Variants in FLRT1 observed in about 807,000 individuals in gnomAD.
FLRT1 encodes fibronectin leucine rich transmembrane protein 1.
Under a neutral mutation model 30.9 loss-of-function variants are expected in FLRT1, and 14 were observed. The ratio of observed to expected loss-of-function variants is 0.45; its 90% CI spans 0.30 to 0.71. The LOEUF is 0.71. Ranked by LOEUF, FLRT1 falls within the 30% of genes least tolerant of loss-of-function variation. FLRT1 has a pLI of 0.08. For synonymous variants in FLRT1, 368 were observed against 430.4 expected (o/e 0.85, Z 1.80); for missense variants, 737 against 949.2 (o/e 0.78, Z 2.94).
chr11:64,106,228 T>C (rs1944761394), intron 2 of FLRT1, among the ~76,000 whole-genome samples: 1 of 152,188 alleles, frequency 6.6e-6, no homozygotes, highest in African/African-American at 2.4e-5. Context: ...TGCCATCTGC[T>C]GCACAATCCA....
In FLRT1 at chr11:64,118,064, C is replaced by T. The variant is rs772494985; in HGVS notation, c.1797C>T (p.Asp599=). The T allele has an allele frequency of 6.2e-7, 1 of 1,612,974 alleles. No homozygotes were observed. Among genetic ancestry groups the T allele is most frequent in the Admixed American group, 1.7e-5 (1 of 59,970 alleles). The change falls in exon 3 of 3, where the codon GAC becomes GAT. Residue 599 remains aspartate (D), a synonymous_variant. Transcript: ENST00000682287. The part of the protein sequence containing the change: ...AYNRGSRKKD[D]YMESGTKKDN... ...ACCGGGGCAGCAGGAAAAAGGATGA[C>T]TATATGGAGTCAGGGACCAAGAAGG...
At chr11:64,115,029 G>A (rs1034856704) in intron 2 of FLRT1, among the ~76,000 whole-genome samples, 3 of 152,164 alleles carry the variant, frequency 2.0e-5, no homozygotes, top group African/African-American at 4.8e-5. Flanking sequence ...CTGGCTCAGT[G>A]AGCAGGTGCC....
chr11:64,114,680 T>C (rs557925702), intron 2 of FLRT1, among the ~76,000 whole-genome samples: 1 of 151,226 alleles, frequency 6.6e-6, no homozygotes, highest in East Asian at 1.9e-4. Flanking sequence ...GATGGATGGA[T>C]GGACAGGTAG....
At position 64,064,696 on chromosome 11, in the gene FLRT1, C is replaced by G. The variant is rs1223347399; in HGVS notation, c.-1038+28537C>G. 6.7e-6 allele frequency among the ~76,000 whole-genome samples: 1 copy of G among 149,212 alleles called. No individual in the cohort carries two copies. Among genetic ancestry groups the G allele is most frequent in the Non-Finnish European group, 1.5e-5 (1 of 66,878 alleles). On this transcript the variant is annotated intron_variant, in intron 1 of 2. Transcript: ENST00000682287. This position sits in a 1 kb window ranked among gnomAD's most constrained non-coding sequence, Gnocchi z 4.5. ...GGCACCGAGATAGAAGGAGGGGGGCCCTCCCTGAGTTCTCCTCTCCCCTCC... is the reference window on the plus strand; with the variant it reads ...GGCACCGAGATAGAAGGAGGGGGGCGCTCCCTGAGTTCTCCTCTCCCCTCC...
intron 1 of FLRT1, among the ~76,000 whole-genome samples, chr11:64,089,818 C>A (rs911260708): frequency 1.3e-5 from 2 of 152,166 alleles, no homozygotes; most frequent in Non-Finnish European, 2.9e-5. Context: ...TCTGTGCCCA[C>A]TCATAGGTGT....
chr11:64,049,379 T>A (rs2134407924), intron 1 of FLRT1, among the ~76,000 whole-genome samples: 1 of 152,330 alleles, frequency 6.6e-6, no homozygotes, highest in East Asian at 1.9e-4. Flanking sequence ...CGGCCAGTCC[T>A]GGGCAGGGAG....
At position 64,096,489 on chromosome 11, in the gene FLRT1, C is replaced by G. The variant is rs141967392; in HGVS notation, c.-1037-6705C>G. Among the ~76,000 whole-genome samples, 796 of 152,042 alleles carry G rather than the reference C, an allele frequency of 5.2e-3. 9 individuals carry two copies. Among genetic ancestry groups the G allele is most frequent in the African/African-American group, 0.018 (764 of 41,480 alleles). On this transcript the variant is annotated intron_variant, in intron 1 of 2. Coordinates refer to ENST00000682287, the MANE Select transcript of FLRT1 (RefSeq NM_013280.5). This position sits in a 1 kb window ranked among gnomAD's most constrained non-coding sequence, Gnocchi z 4.6. Reference sequence around the variant, plus strand: ...GAAGTGCAGTGGTATGATCTCGGCTCACTGCAACCTCCGCCTTCCGGGTTC... The same window carrying G: ...GAAGTGCAGTGGTATGATCTCGGCTGACTGCAACCTCCGCCTTCCGGGTTC...
chr11:64,066,887 G>C (rs905006518), intron 1 of FLRT1, among the ~76,000 whole-genome samples: 1 of 152,242 alleles, frequency 6.6e-6, no homozygotes, highest in African/African-American at 2.4e-5. Flanking sequence ...TGAAGAGCCA[G>C]GATTCAGGCT....
At position 64,057,395 on chromosome 11, in the gene FLRT1, T is replaced by C. The variant is rs138981447; in HGVS notation, c.-1038+21236T>C. On this transcript the variant is annotated intron_variant, in intron 1 of 2. Coordinates refer to ENST00000682287, the MANE Select transcript of FLRT1 (RefSeq NM_013280.5). Reference sequence around the variant, plus strand: ...CTACCAAGGCAGATTTAAAACCTCATGGGGAGTGACCCACATGGTGCCAGC... The same window carrying C: ...CTACCAAGGCAGATTTAAAACCTCACGGGGAGTGACCCACATGGTGCCAGC... Among the ~76,000 whole-genome samples the C allele has an allele frequency of 3.0e-4, 46 of 152,268 alleles. No homozygotes were observed. In the East Asian group the frequency reaches 8.7e-3, roughly 29 times the overall value.
In FLRT1 at chr11:64,117,704, C is replaced by T; in HGVS notation, c.1437C>T (p.Ser479=). The change falls in exon 3 of 3, where the codon TCC becomes TCT. Residue 479 remains serine (S), a synonymous_variant. Transcript: ENST00000682287. Reference sequence around the variant, plus strand: ...TGGGCCACAGCCCAGCCGTGGGCTCCATCACGGAGACCTTGGTGCAGGGGG... The same window carrying T: ...TGGGCCACAGCCCAGCCGTGGGCTCTATCACGGAGACCTTGGTGCAGGGGG... ...LRLGHSPAVG[S]ITETLVQGDK... 6.2e-7 allele frequency: 1 copy of T among 1,613,628 alleles called. No individual in the cohort carries two copies. Among genetic ancestry groups the T allele is most frequent in the Non-Finnish European group, 8.5e-7 (1 of 1,179,924 alleles).
chr11:64,102,203 C>A (rs1944682335), intron 1 of FLRT1, among the ~76,000 whole-genome samples: 1 of 152,180 alleles, frequency 6.6e-6, no homozygotes, highest in African/African-American at 2.4e-5. Flanking sequence ...AGAGGGGTTC[C>A]TGCAGGGGGA....
chr11:64,069,388 G>A (rs541419910), intron 1 of FLRT1, among the ~76,000 whole-genome samples: 2 of 152,324 alleles, frequency 1.3e-5, no homozygotes, highest in Non-Finnish European at 2.9e-5. Flanking sequence ...AAAGCCCCAG[G>A]AGCCAGACCT....
At chr11:64,085,511 C>A (rs1944378322) in intron 1 of FLRT1, among the ~76,000 whole-genome samples, 1 of 152,190 alleles carries the variant, frequency 6.6e-6, no homozygotes, top group African/African-American at 2.4e-5. Flanking sequence ...GGATTGTCCA[C>A]CCAAATTAAA....
chr11:64,095,379 G>A (rs748663236), intron 1 of FLRT1, among the ~76,000 whole-genome samples: 1 of 152,210 alleles, frequency 6.6e-6, no homozygotes, highest in Non-Finnish European at 1.5e-5. Context: ...CGCCTGGGCC[G>A]AGCGCACAGC....
chr11:64,071,406 CG>C (rs1565219204), intron 1 of FLRT1, among the ~76,000 whole-genome samples: 1 of 152,178 alleles, frequency 6.6e-6, no homozygotes, highest in Non-Finnish European at 1.5e-5. Flanking sequence ...ATGAAACTCA[CG>C]GATGGAGACC....
At chr11:64,084,398 G>C (rs1032251112) in intron 1 of FLRT1, among the ~76,000 whole-genome samples, 1 of 152,168 alleles carries the variant, frequency 6.6e-6, no homozygotes, top group African/African-American at 2.4e-5. Context: ...CCCGCTGCCT[G>C]AGCTGCCTAC....
At chr11:64,051,594 T>C (rs1943696653) in intron 1 of FLRT1, among the ~76,000 whole-genome samples, 1 of 152,180 alleles carries the variant, frequency 6.6e-6, no homozygotes, top group Admixed American at 6.5e-5. Flanking sequence ...CAGACGGCCT[T>C]GTGCCACCAC....
chr11:64,093,982 G>A (rs1012247769), intron 1 of FLRT1, among the ~76,000 whole-genome samples: 4 of 152,220 alleles, frequency 2.6e-5, no homozygotes, highest in African/African-American at 7.2e-5. Context: ...ACGGTGCCAG[G>A]GGAGCCTGAG....
At chr11:64,088,677 G>A (rs1041668253) in intron 1 of FLRT1, among the ~76,000 whole-genome samples, 6 of 152,114 alleles carry the variant, frequency 3.9e-5, no homozygotes, top group Non-Finnish European at 5.9e-5. Flanking sequence ...CAAGTCACTC[G>A]ACCCCTCTGG....
Sources: gnomAD v4.1 joint callset for allele counts (sites outside exome capture counted in the v4.1 genomes callset) on GRCh38, gnomAD v4.1.1 for gene constraint, Gnocchi (gnomAD v3.1) non-coding constraint, MANE v1.5 for transcripts, NCBI Gene and HGNC (gene_info 2026-07-23, HGNC 2026-07-21) for gene names.